Variants in MYBL1 observed in about 807,000 individuals in gnomAD.
MYBL1 encodes myb-related protein A.
A neutral mutation model predicts 96.3 loss-of-function variants in MYBL1; 17 were observed. The ratio of observed to expected loss-of-function variants is 0.18; its 90% CI spans 0.12 to 0.26. The LOEUF (loss-of-function observed/expected upper bound fraction) is 0.26, where lower values mean the gene tolerates loss of function less well. Ranked by LOEUF, MYBL1 falls within the 10% of genes least tolerant of loss-of-function variation. The pLI is 1.00. For synonymous variants in MYBL1, 282 were observed against 292.7 expected, an observed-to-expected ratio of 0.96 and a Z score of 0.37; for missense variants, 701 against 882.9, an observed-to-expected ratio of 0.79 and a Z score of 2.61.
chr8:66,599,570 G>A (rs1586592949), intron 3 of MYBL1, among the ~76,000 whole-genome samples: 1 of 152,172 alleles, frequency 6.6e-6, no homozygotes, highest in African/African-American at 2.4e-5. Flanking sequence ...GGAGGCCGAG[G>A]TGGGTGGATC....
At chr8:66,578,054 C>T (rs1809038562) in intron 9 of MYBL1, among the ~76,000 whole-genome samples, 1 of 152,126 alleles carries the variant, frequency 6.6e-6, no homozygotes, top group Admixed American at 6.5e-5. Flanking sequence ...TGGATCCCTT[C>T]CTTACACCTT....
intron 8 of MYBL1, 88 bp downstream of exon 8, chr8:66,592,352 C>A (rs910012839): frequency 6.9e-6 from 6 of 866,790 alleles, no homozygotes; most frequent in African/African-American, 1.7e-5. Flanking sequence ...AATCTGCAGT[C>A]ATACTGAGTA....
intron 3 of MYBL1, among the ~76,000 whole-genome samples, chr8:66,601,177 CAAAAAAAAAAAAAA>C (rs1167336780): frequency 7.2e-5 from 1 of 13,900 alleles, no homozygotes; most frequent in Non-Finnish European, 1.9e-4. Flanking sequence ...AACTCCGTCT[CAAAAAAAAAAAAAA>C]AAAAAAAAAA....
chr8:66,565,407 TA>T (rs1586544777), intron 15 of MYBL1: 1 of 152,246 alleles, frequency 6.6e-6, no homozygotes, highest in East Asian at 1.9e-4. Context: ...ACATGGCTCT[TA>T]GAAAGCAGTG....
chr8:66,569,517 T>C (rs1808648323), intron 12 of MYBL1, among the ~76,000 whole-genome samples: 1 of 151,900 alleles, frequency 6.6e-6, no homozygotes, highest in Non-Finnish European at 1.5e-5. Context: ...GCCCAGTTCA[T>C]TTTTTGTATT....
Position 66,595,630 on chromosome 8 carries a change from C to T in MYBL1, c.640G>A (p.Ala214Thr). 7 of 1,593,954 alleles carry T rather than the reference C, an allele frequency of 4.4e-6. No homozygotes were observed. Among genetic ancestry groups the T allele is most frequent in the Non-Finnish European group, 5.1e-6 (6 of 1,169,160 alleles). The change falls in exon 6 of 16, where the codon GCT becomes ACT. Residue 214 changes from alanine to threonine, a missense_variant. This residue lies in a region of MYBL1 where 396 missense variants were observed against 407.4 expected (regional missense o/e 0.97). Coordinates refer to ENST00000522677, the MANE Select transcript of MYBL1 (RefSeq NM_001080416.4). ...SSKLQHKPCAAMDHMQTQNQF... is the reference protein window; with the variant it reads ...SSKLQHKPCATMDHMQTQNQF... The stretch of plus-strand genomic sequence containing the variant: ...TTCTGGGTTTGCATATGATCCATAG[C>T]TGCACAAGGTTTGTGTTGAAGTTTA...
At chr8:66,606,531 A>G (rs1174992113) in intron 1 of MYBL1, among the ~76,000 whole-genome samples, 2 of 152,232 alleles carry the variant, frequency 1.3e-5, no homozygotes, top group Admixed American at 1.3e-4. Flanking sequence ...TTTTAATCTT[A>G]CAAAATTGAA....
rs1809962708 is a variant in MYBL1, at chr8:66,599,038, T to C, written c.291+12A>G. On this transcript the variant is annotated intron_variant, in intron 4 of 15. Transcript: ENST00000522677. ...ACCTACATAGTGAATATAAAGAATA[T>C]GAACACATTACCCTCTGATCTTCTT... The C allele has an allele frequency of 1.3e-6, 2 of 1,535,848 alleles. No individual in the cohort carries two copies. The highest frequency in any genetic ancestry group is 4.4e-5 in the Admixed American group (2 of 45,666).
intron 8 of MYBL1, among the ~76,000 whole-genome samples, 193 bp from the exon 9 acceptor site, chr8:66,580,559 T>C (rs1208488619): frequency 6.6e-6 from 1 of 152,226 alleles, no homozygotes; most frequent in East Asian, 1.9e-4. Flanking sequence ...TTTTAATCTA[T>C]ACAATCATGA....
chr8:66,602,733 A>ATTTTTTT (rs143426704), intron 1 of MYBL1, among the ~76,000 whole-genome samples: 2 of 28,158 alleles, frequency 7.1e-5, no homozygotes, highest in Non-Finnish European at 1.1e-4. Flanking sequence ...ATATATATAT[A>ATTTTTTT]TTTTTTTTTT....
intron 5 of MYBL1, among the ~76,000 whole-genome samples, chr8:66,596,430 C>T (rs554888469): frequency 6.6e-6 from 1 of 152,166 alleles, no homozygotes; most frequent in South Asian, 2.1e-4. Context: ...ATAAAATATA[C>T]ACACATAAAG....
intron 10 of MYBL1, 73 bp downstream of exon 10, chr8:66,575,934 G>A (rs1586560508): frequency 6.9e-7 from 1 of 1,457,128 alleles, no homozygotes; most frequent in Non-Finnish European, 9.3e-7. Context: ...CCAACTGCTA[G>A]TAAGGATGTT....
intron 8 of MYBL1, 91 bp downstream of exon 8, chr8:66,592,349 A>C: frequency 1.2e-6 from 1 of 805,918 alleles, no homozygotes; most frequent in Non-Finnish European, 2.0e-6. Context: ...TAAAATCTGC[A>C]GTCATACTGA....
At chr8:66,591,740 T>C (rs529125921) in intron 8 of MYBL1, among the ~76,000 whole-genome samples, 1 of 152,224 alleles carries the variant, frequency 6.6e-6, no homozygotes, top group African/African-American at 2.4e-5. Flanking sequence ...TCTACATCTA[T>C]TCAATTCTTT....
intron 1 of MYBL1, among the ~76,000 whole-genome samples, chr8:66,611,247 A>G (rs182868671): frequency 2.6e-4 from 39 of 152,342 alleles, no homozygotes; most frequent in Admixed American, 2.2e-3. Flanking sequence ...TAAGTAGATA[A>G]TATCACACAT....
rs1336098331 is a variant in MYBL1 at position 66,566,938 on chromosome 8, T to A, written c.1783A>T (p.Thr595Ser). 6.2e-7 allele frequency: 1 copy of A among 1,613,206 alleles called. No homozygotes were observed. The highest frequency in any genetic ancestry group is 8.5e-7 in the Non-Finnish European group (1 of 1,179,620). ...EDIREVLKEE[T>S]GTDLFLKEED... ...TCTTTGAGGAATAGGTCTGTTCCAG[T>A]TTCTTCTTTTAAAACTTCCCGAATA... The change falls in exon 13 of 16, where the codon ACT becomes TCT. Residue 595 changes from threonine (T) to serine (S), a missense_variant. Thr to Ser is a moderately conservative substitution (Grantham distance 58). Transcript: ENST00000522677.
chr8:66,582,648 G>A (rs1243844544), intron 8 of MYBL1, among the ~76,000 whole-genome samples: 4 of 149,392 alleles, frequency 2.7e-5, no homozygotes, highest in African/African-American at 9.9e-5. Flanking sequence ...AGCCTGGAAG[G>A]TCGAGGTTAC....
Position 66,612,999 on chromosome 8 carries a change from G to A in MYBL1, c.-161C>T, listed in dbSNP as rs1324571116. 6 of 810,934 alleles carry A rather than the reference G, an allele frequency of 7.4e-6. No individual in the cohort carries two copies. Among genetic ancestry groups the A allele is most frequent in the Admixed American group, 8.3e-5 (2 of 24,088 alleles). The allele number at this position is 810,934 out of a possible 1,614,324, so 50.2% of individuals were successfully genotyped here. A position where few individuals can be genotyped will look rare whatever the true frequency, so the allele number is the denominator to read the frequency against. ...CGTCCTCGACAGGGCAGGACGGAGG[G>A]ACAGCGGGGGCGGACCGCGACCCGA... On this transcript the variant is annotated 5_prime_UTR_variant, in exon 1 of 16. Transcript: ENST00000522677.
chr8:66,610,156 C>T (rs932469855), intron 1 of MYBL1, among the ~76,000 whole-genome samples: 15 of 151,870 alleles, frequency 9.9e-5, no homozygotes, highest in East Asian at 1.9e-4. Context: ...AAATTAATTA[C>T]GTATATATAA....
Sources: gnomAD v4.1 joint callset for allele counts (sites outside exome capture counted in the v4.1 genomes callset) on GRCh38, gnomAD v4.1.1 for gene constraint, gnomAD v4.1.1 regional missense constraint, MANE v1.5 for transcripts, NCBI Gene and HGNC (gene_info 2026-07-23, HGNC 2026-07-21) for gene names.